The following TAFA4 variants were observed in gnomAD, a reference collection of about 807,000 sequenced individuals.
TAFA4 encodes the protein TAFA chemokine like family member 4.
A neutral mutation model predicts 21.1 loss-of-function variants in TAFA4; 20 were observed. The observed-to-expected ratio is 0.95, with a 90% CI of 0.67 to 1.38. The LOEUF is 1.38. Ranked by LOEUF, TAFA4 falls within the 40% of genes most tolerant of loss-of-function variation. The pLI, the probability that TAFA4 is intolerant of heterozygous loss-of-function variation, is 0.00. For missense variants in TAFA4, 211 were observed against 180.9 expected (o/e 1.17, Z -0.95); for synonymous variants, 71 against 67.4 (o/e 1.05, Z -0.26).
chr3:68,736,001 A>G (rs1216596483), intron 5 of TAFA4, among the ~76,000 whole-genome samples: 2 of 152,048 alleles, frequency 1.3e-5, no homozygotes, highest in African/African-American at 4.8e-5. Flanking sequence ...TCAGGGGCAA[A>G]ATTGTCTCTG....
At chr3:68,906,682 C>T (rs1232547335) in intron 1 of TAFA4, among the ~76,000 whole-genome samples, 1 of 152,046 alleles carries the variant, frequency 6.6e-6, no homozygotes. Flanking sequence ...TTTAAAGGTG[C>T]TGCCTTTAAA....
Position 68,894,915 on chromosome 3 carries a change from C to A in TAFA4, c.-122-9605G>T, listed in dbSNP as rs185990145. On this transcript the variant is annotated intron_variant, in intron 1 of 5. Coordinates refer to ENST00000295569, the MANE Select transcript of TAFA4 (RefSeq NM_182522.5). ...TGTTGCCCAGCCTGGAGTGCAATGG[C>A]GTGGTCTCCGCTCACTGCAACATCC... Among the ~76,000 whole-genome samples, 392 of 152,264 alleles carry A rather than the reference C, an allele frequency of 2.6e-3. 3 individuals are homozygous for A. The highest frequency in any genetic ancestry group is 8.7e-3 in the African/African-American group (360 of 41,538).
chr3:68,791,356 CGA>C (rs547597401), intron 3 of TAFA4, among the ~76,000 whole-genome samples: 197 of 152,130 alleles, frequency 1.3e-3, no homozygotes, highest in African/African-American at 4.5e-3. Flanking sequence ...CAATGGAGGC[CGA>C]GATTGAAGTG....
intron 1 of TAFA4, among the ~76,000 whole-genome samples, chr3:68,902,258 C>T (rs1016090842): frequency 1.3e-5 from 2 of 152,014 alleles, no homozygotes; most frequent in South Asian, 2.1e-4. Flanking sequence ...TCTTAACCAT[C>T]GGGCAACTCT....
At chr3:68,799,551 A>G (rs370548678) in intron 3 of TAFA4, among the ~76,000 whole-genome samples, 26 of 152,320 alleles carry the variant, frequency 1.7e-4, no homozygotes, top group Middle Eastern at 3.4e-3. Flanking sequence ...GATTAAATCA[A>G]GGAGCCAAAA....
intron 3 of TAFA4, among the ~76,000 whole-genome samples, chr3:68,812,657 G>A (rs1295315097): frequency 2.0e-5 from 3 of 152,272 alleles, no homozygotes; most frequent in East Asian, 1.9e-4. Flanking sequence ...CAATACAGGA[G>A]CACCCAGATT....
At chr3:68,879,218 C>G (rs571436909) in intron 3 of TAFA4, among the ~76,000 whole-genome samples, 31 of 152,202 alleles carry the variant, frequency 2.0e-4, no homozygotes, top group African/African-American at 7.5e-4. Flanking sequence ...CTCCCGCTGT[C>G]AGACTTCCTA....
intron 1 of TAFA4, among the ~76,000 whole-genome samples, chr3:68,885,901 G>A (rs1483397220): frequency 6.6e-6 from 1 of 151,992 alleles, no homozygotes; most frequent in Non-Finnish European, 1.5e-5. Context: ...TTCCCTCAAC[G>A]CATAAACCTA....
chr3:68,736,937 G>T (rs778682346), intron 5 of TAFA4, among the ~76,000 whole-genome samples: 1 of 151,992 alleles, frequency 6.6e-6, no homozygotes, highest in Admixed American at 6.6e-5. Flanking sequence ...ACAACTTTTC[G>T]AAGTGCTAAA....
intron 3 of TAFA4, among the ~76,000 whole-genome samples, chr3:68,856,954 AG>A (rs2106917245): frequency 6.6e-6 from 1 of 152,312 alleles, no homozygotes; most frequent in South Asian, 2.1e-4. Context: ...TAAACATGAC[AG>A]GATAATAGAA....
chr3:68,814,541 C>G (rs1326199539), intron 3 of TAFA4, among the ~76,000 whole-genome samples: 1 of 152,064 alleles, frequency 6.6e-6, no homozygotes, highest in African/African-American at 2.4e-5. Flanking sequence ...ACAGCCAAAT[C>G]ATGAGTGAAC....
At chr3:68,890,840 G>C (rs1022201958) in intron 1 of TAFA4, among the ~76,000 whole-genome samples, 4 of 152,196 alleles carry the variant, frequency 2.6e-5, no homozygotes, top group Non-Finnish European at 4.4e-5. Flanking sequence ...TCTGTCTGTG[G>C]CTGAATTTGT....
At position 68,732,053 on chromosome 3, in the gene TAFA4, C is replaced by A. The variant is rs1459283409; in HGVS notation, c.*1089G>T. The A allele has an allele frequency of 6.6e-6, 1 of 152,560 alleles. No homozygotes were observed. Among genetic ancestry groups the A allele is most frequent in the Non-Finnish European group, 1.5e-5 (1 of 68,026 alleles). 9.5% of individuals were successfully genotyped at this position (152,560 alleles called of 1,614,324 possible). A position where few individuals can be genotyped will look rare whatever the true frequency, so the allele number is the denominator to read the frequency against. ...TTTAACAACATTATACATCTAAAAT[C>A]TGGGTCAGTCATTCTTCATCTGTTT... On this transcript the variant is annotated 3_prime_UTR_variant, in exon 6 of 6. Transcript: ENST00000295569.
chr3:68,917,639 A>C (rs1203766753), intron 1 of TAFA4, among the ~76,000 whole-genome samples: 1 of 151,354 alleles, frequency 6.6e-6, no homozygotes, highest in Non-Finnish European at 1.5e-5. Context: ...CTGTAATCCC[A>C]GCTACTCGGG....
chr3:68,798,967 G>A (rs946510822), intron 3 of TAFA4, among the ~76,000 whole-genome samples: 1 of 152,148 alleles, frequency 6.6e-6, no homozygotes, highest in South Asian at 2.1e-4. Flanking sequence ...ACTGCAATCT[G>A]TTTTATTGTA....
At chr3:68,760,259 CA>C (rs1413184776) in intron 3 of TAFA4, among the ~76,000 whole-genome samples, 2 of 152,134 alleles carry the variant, frequency 1.3e-5, no homozygotes, top group African/African-American at 2.4e-5. Context: ...AAATACATAT[CA>C]TTTTTTTCTT....
intron 3 of TAFA4, among the ~76,000 whole-genome samples, chr3:68,801,512 G>A (rs992773593): frequency 2.0e-5 from 3 of 152,190 alleles, no homozygotes; most frequent in South Asian, 4.1e-4. Context: ...ACAAATTGCA[G>A]TGGTGCTTTT....
At chr3:68,824,664 C>T (rs1704187225) in intron 3 of TAFA4, among the ~76,000 whole-genome samples, 1 of 152,142 alleles carries the variant, frequency 6.6e-6, no homozygotes, top group South Asian at 2.1e-4. Context: ...TTCTGCCTAC[C>T]ACACACTAAA....
At chr3:68,834,352 C>G (rs1559537450) in intron 3 of TAFA4, among the ~76,000 whole-genome samples, 1 of 152,180 alleles carries the variant, frequency 6.6e-6, no homozygotes, top group African/African-American at 2.4e-5. Context: ...ATCAATTATA[C>G]AGCTGAAATT....
Sources: gnomAD v4.1 joint callset for allele counts (sites outside exome capture counted in the v4.1 genomes callset) on GRCh38, gnomAD v4.1.1 for gene constraint, MANE v1.5 for transcripts, NCBI Gene and HGNC (gene_info 2026-07-23, HGNC 2026-07-21) for gene names.